Variants in PTPDC1 observed in about 807,000 individuals in gnomAD.
The protein encoded by PTPDC1 is protein tyrosine phosphatase domain containing 1.
A neutral mutation model predicts 75.3 loss-of-function variants in PTPDC1; 53 were observed. That is an observed-to-expected ratio of 0.70 (90% CI 0.56 to 0.88). PTPDC1 has a LOEUF of 0.88. Among genes scored for constraint, PTPDC1 ranks in the 40% least tolerant of loss-of-function variants. The probability of loss-of-function intolerance (pLI) is 0.00; values close to 1 mark genes in which losing one functional copy is unlikely to be tolerated. For synonymous variants in PTPDC1, 349 were observed against 366.2 expected (o/e 0.95, Z 0.54); for missense variants, 925 against 998.6 (o/e 0.93, Z 0.99).
chr9:94,067,972 GT>G (rs1826372173), intron 2 of PTPDC1, among the ~76,000 whole-genome samples: 1 of 152,022 alleles, frequency 6.6e-6, no homozygotes, highest in Non-Finnish European at 1.5e-5. Flanking sequence ...GAGAAAACAG[GT>G]TTTTTTGCCT....
intron 2 of PTPDC1, among the ~76,000 whole-genome samples, chr9:94,073,303 A>G (rs1305867607): frequency 1.3e-5 from 2 of 152,194 alleles, no homozygotes; most frequent in African/African-American, 2.4e-5. Context: ...TTATGTCAAC[A>G]ATTTCTAATT....
At position 94,098,331 on chromosome 9, in the gene PTPDC1, C is replaced by T; in HGVS notation, c.1765C>T (p.Pro589Ser). The T allele has an allele frequency of 2.5e-6, 4 of 1,614,182 alleles. No homozygotes were observed. Among genetic ancestry groups the T allele is most frequent in the Non-Finnish European group, 3.4e-6 (4 of 1,180,040 alleles). The stretch of plus-strand genomic sequence containing the variant: ...GTGTAAAACTCATGGTGTTGGGAGC[C>T]CTGGCTCTGTCAGGCAGAACAGCAG... ...CQCKTHGVGS[P>S]GSVRQNSRTP... Residue 589 changes from proline to serine, a missense_variant, in exon 6 of 9, where the codon CCT becomes TCT. By Grantham distance (74) the Pro-to-Ser change is moderately conservative (BLOSUM62 -1). Coordinates refer to ENST00000620992, the MANE Select transcript of PTPDC1 (RefSeq NM_001253829.2).
chr9:94,052,783 C>A (rs1189245807), intron 1 of PTPDC1, among the ~76,000 whole-genome samples: 3 of 152,086 alleles, frequency 2.0e-5, no homozygotes, highest in East Asian at 1.9e-4. Flanking sequence ...ATTGTCTTTG[C>A]ATTTTTGTTT....
chr9:94,098,084 A>C lies in PTPDC1; in HGVS notation c.1518A>C (p.Thr506=). The C allele has an allele frequency of 6.2e-7, 1 of 1,614,200 alleles. No individual in the cohort carries two copies. The highest frequency in any genetic ancestry group is 8.5e-7 in the Non-Finnish European group (1 of 1,180,030). ...DLHKEALVRS[T]LSFWSQSKFG... ...ACAAGGAAGCCTTGGTTCGCAGCAC[A>C]CTTTCTTTCTGGAGTCAGTCAAAGT... Residue 506 remains threonine, a synonymous_variant, in exon 6 of 9, where the codon ACA becomes ACC. Transcript: ENST00000620992.
rs1351640535 is a variant in PTPDC1, at chr9:94,095,420, A to G, written c.720A>G (p.Val240=). Reference sequence around the variant, plus strand: ...CATTTGCCTTACAGGAAGGAAAAGTAGCTATCCATTGTCATGCAGGGCTTG... The same window carrying G: ...CATTTGCCTTACAGGAAGGAAAAGTGGCTATCCATTGTCATGCAGGGCTTG... The part of the protein sequence containing the change: ...VMTFALQEGK[V]AIHCHAGLGR... Residue 240 remains valine (V), a synonymous_variant, in exon 5 of 9, where the codon GTA becomes GTG. Transcript: ENST00000620992. 1 of 1,613,924 alleles carries G rather than the reference A, an allele frequency of 6.2e-7. No individual in the cohort carries two copies. The highest frequency in any genetic ancestry group is 2.2e-5 in the East Asian group (1 of 44,858).
intron 1 of PTPDC1, among the ~76,000 whole-genome samples, chr9:94,062,703 A>G (rs1826180019): frequency 6.6e-6 from 1 of 152,152 alleles, no homozygotes; most frequent in Non-Finnish European, 1.5e-5. Flanking sequence ...AGATGATGCA[A>G]AACCATTCAT....
At chr9:94,080,631 A>G (rs1422029431), upstream of PTPDC1, among the ~76,000 whole-genome samples, 1 of 152,196 alleles carries the variant, frequency 6.6e-6, no homozygotes, top group Non-Finnish European at 1.5e-5. Flanking sequence ...TGCATGCCCA[A>G]ATTGAGAGAG....
intron 1 of PTPDC1, among the ~76,000 whole-genome samples, chr9:94,042,669 G>A (rs1239826210): frequency 2.6e-5 from 4 of 152,172 alleles, no homozygotes; most frequent in Non-Finnish European, 5.9e-5. Context: ...CTGAAAGCTG[G>A]GGTGGCTGTG....
intron 1 of PTPDC1, among the ~76,000 whole-genome samples, chr9:94,056,434 C>T (rs1392702101): frequency 2.0e-5 from 3 of 152,192 alleles, no homozygotes; most frequent in Non-Finnish European, 4.4e-5. Context: ...GGGCCTCTTA[C>T]GTCAGAATGA....
exon 2 of PTPDC1, chr9:94,064,782 A>G (rs748215529): frequency 6.2e-7 from 1 of 1,613,716 alleles, no homozygotes; most frequent in South Asian, 1.1e-5. Context: ...ACCATATTCT[A>G]CCTTGGTGAA....
intron 6 of PTPDC1, chr9:94,101,020 G>T (rs867001779): frequency 6.6e-6 from 1 of 152,192 alleles, no homozygotes; most frequent in Non-Finnish European, 1.5e-5. Context: ...TTTCAAAGAA[G>T]TACATATGCC....
chr9:94,071,320 T>C (rs1826505385), intron 2 of PTPDC1, among the ~76,000 whole-genome samples: 2 of 152,180 alleles, frequency 1.3e-5, no homozygotes, highest in African/African-American at 4.8e-5. Context: ...TTTTTACATA[T>C]CTGTGCATGT....
intron 5 of PTPDC1, among the ~76,000 whole-genome samples, chr9:94,097,013 C>T (rs752655567): frequency 1.3e-5 from 2 of 152,162 alleles, no homozygotes; most frequent in African/African-American, 4.8e-5. Context: ...ATCAGTTTCC[C>T]TTCCCTCCTG....
In PTPDC1 at chr9:94,085,481, G is replaced by C. The variant is rs918421339; in HGVS notation, c.416+59G>C. 7.6e-6 allele frequency: 12 copies of C among 1,573,578 alleles called. No individual in the cohort carries two copies. The African/African-American group carries it at 1.5e-4, about 19-fold the overall frequency. On this transcript the variant is annotated intron_variant, in intron 2 of 8. Transcript: ENST00000620992. ...TGGATACAGGAAGGACACTCTGTGT[G>C]AGCCAGGAGCCCTGAAGTGTGGGAG...
At chr9:94,106,044 A>G (rs536521447) in intron 8 of PTPDC1, among the ~76,000 whole-genome samples, 6 of 152,276 alleles carry the variant, frequency 3.9e-5, no homozygotes, top group African/African-American at 1.4e-4. Flanking sequence ...GGGATAGATA[A>G]TATAGTTATA....
At chr9:94,047,944 A>G (rs1054562578) in intron 1 of PTPDC1, among the ~76,000 whole-genome samples, 1 of 152,202 alleles carries the variant, frequency 6.6e-6, no homozygotes, top group Admixed American at 6.5e-5. Context: ...CCAACCAAAA[A>G]AAGTCCAGGA....
At chr9:94,070,276 G>A (rs1826467482) in intron 2 of PTPDC1, among the ~76,000 whole-genome samples, 1 of 151,926 alleles carries the variant, frequency 6.6e-6, no homozygotes, top group South Asian at 2.1e-4. Context: ...ACCCTGCCAG[G>A]CCATCACCCA....
At chr9:94,096,965 G>A (rs1330636323) in intron 5 of PTPDC1, among the ~76,000 whole-genome samples, 5 of 152,096 alleles carry the variant, frequency 3.3e-5, no homozygotes, top group African/African-American at 1.2e-4. Flanking sequence ...TTCTTCTGAT[G>A]GAGTTAAGTA....
intron 1 of PTPDC1, among the ~76,000 whole-genome samples, chr9:94,052,608 C>G (rs1002327026): frequency 6.6e-6 from 1 of 151,938 alleles, no homozygotes; most frequent in Non-Finnish European, 1.5e-5. Context: ...TAGTTTTTGC[C>G]TTGTATTAAT....
Sources: gnomAD v4.1 joint callset for allele counts (sites outside exome capture counted in the v4.1 genomes callset) on GRCh38, gnomAD v4.1.1 for gene constraint, MANE v1.5 for transcripts, NCBI Gene and HGNC (gene_info 2026-07-23, HGNC 2026-07-21) for gene names.